Variants in PAICS observed in about 807,000 individuals in gnomAD.
PAICS encodes phosphoribosylaminoimidazole carboxylase and phosphoribosylaminoimidazolesuccinocarboxamide synthase.
PAICS carries 33 observed loss-of-function variants against 53.7 expected under a neutral mutation model. That is an observed-to-expected ratio of 0.61 (90% confidence interval 0.47 to 0.82). PAICS has a LOEUF of 0.82. Among genes scored for constraint, PAICS ranks in the 40% least tolerant of loss-of-function variants. PAICS has a pLI of 0.00. For missense variants in PAICS, 394 were observed against 494.1 expected (o/e 0.80, Z 1.92); for synonymous variants, 141 against 167.2 (o/e 0.84, Z 1.21).
At chr4:56,444,487 C>T (rs1316679126) in intron 2 of PAICS, among the ~76,000 whole-genome samples, 3 of 151,998 alleles carry the variant, frequency 2.0e-5, no homozygotes, top group Admixed American at 6.6e-5. Flanking sequence ...GGGATGGCCA[C>T]GGGGACATAT....
chr4:56,410,646 C>T, the PAICS span: 1 of 986,622 alleles, frequency 1.0e-6, no homozygotes, highest in Non-Finnish European at 1.2e-6. Context: ...ATTTACATTG[C>T]TAAAAGGCTG....
intron 1 of PAICS, among the ~76,000 whole-genome samples, chr4:56,440,244 TAGAC>T (rs980988020): frequency 6.6e-6 from 1 of 152,128 alleles, no homozygotes; most frequent in African/African-American, 2.4e-5. Context: ...AGATAGGAAA[TAGAC>T]AAATAAGAGT....
At chr4:56,446,931 T>C (rs1361028632) in intron 3 of PAICS, 58 bp downstream of exon 3, 5 of 1,052,810 alleles carry the variant, frequency 4.7e-6, no homozygotes, top group Admixed American at 3.0e-5. Context: ...AAATTTATAA[T>C]TAGAAACTCT....
intron 8 of PAICS, among the ~76,000 whole-genome samples, chr4:56,456,044 T>G (rs1719178621): frequency 6.6e-6 from 1 of 152,224 alleles, no homozygotes; most frequent in African/African-American, 2.4e-5. Context: ...CTTGTTGGTA[T>G]ACTTTCTGGA....
chr4:56,426,184 C>T, the PAICS span, among the ~76,000 whole-genome samples: 1 of 152,116 alleles, frequency 6.6e-6, no homozygotes, highest in Non-Finnish European at 1.5e-5. Flanking sequence ...AGGCAGAACA[C>T]GAGGTCAAGA....
At chr4:56,422,187 T>A in the PAICS span, 19 of 152,290 alleles carry the variant, frequency 1.2e-4, no homozygotes, top group African/African-American at 4.6e-4. Context: ...GGAATGAGAA[T>A]CCTTGGAACC....
intron 2 of PAICS, among the ~76,000 whole-genome samples, chr4:56,444,096 T>G (rs1718469237): frequency 6.6e-6 from 1 of 152,110 alleles, no homozygotes; most frequent in East Asian, 1.9e-4. Flanking sequence ...CCATCAGTGG[T>G]CTATTTAAAA....
chr4:56,457,715 G>C (rs1434925128), intron 8 of PAICS, among the ~76,000 whole-genome samples: 1 of 145,020 alleles, frequency 6.9e-6, no homozygotes, highest in Non-Finnish European at 1.5e-5. Flanking sequence ...GCCCAGGCTA[G>C]AATGCAATGG....
upstream of PAICS, among the ~76,000 whole-genome samples, chr4:56,434,035 CATA>C (rs1717759511): frequency 6.6e-6 from 1 of 152,166 alleles, no homozygotes; most frequent in African/African-American, 2.4e-5. Flanking sequence ...ACAACTACCA[CATA>C]ATCAAGAGTT....
At chr4:56,446,925 T>G (rs1718651112) in intron 3 of PAICS, 52 bp downstream of exon 3, 1 of 1,106,988 alleles carries the variant, frequency 9.0e-7, no homozygotes, top group Non-Finnish European at 1.3e-6. Flanking sequence ...GGCAATAAAT[T>G]TATAATTAGA....
rs1719604639 is a variant in PAICS at position 56,464,171 on chromosome 4, A to T, written c.*4633A>T. 6.6e-6 allele frequency: 1 copy of T among 152,176 alleles called. No homozygotes were observed. Among genetic ancestry groups the T allele is most frequent in the African/African-American group, 2.4e-5 (1 of 41,424 alleles). The allele number at this position is 152,176 out of a possible 1,614,324, so 9.4% of individuals were successfully genotyped here. On this transcript the variant is annotated 3_prime_UTR_variant, in exon 9 of 9. Transcript: ENST00000512576. ...GTGGGACTTCACCTCCATTTTGCAG[A>T]GCCAATTTCTCATAATCTGTACATA... is the stretch of plus-strand genomic sequence containing the variant.
At chr4:56,425,804 C>T in the PAICS span, among the ~76,000 whole-genome samples, 4,057 of 152,244 alleles carry the variant, frequency 0.027, 199 homozygotes, top group African/African-American at 0.092. Context: ...TTCCATCTTG[C>T]AGCCAATGAC....
At chr4:56,437,424 TTCCACACACCCAGTTGCTA>T (rs1188250602) in intron 1 of PAICS, among the ~76,000 whole-genome samples, 4 of 152,142 alleles carry the variant, frequency 2.6e-5, no homozygotes, top group Admixed American at 6.5e-5. Flanking sequence ...TGCTGGTTTT[TTCCACACACCCAGTTGCTA>T]TATGTATAGT....
rs776172497 is a variant in PAICS at position 56,441,783 on chromosome 4, G to GA, written c.143dup (p.Asn48LysfsTer12). 2 of 1,603,516 alleles carry GA rather than the reference G, an allele frequency of 1.2e-6. No individual in the cohort carries two copies. The highest frequency in any genetic ancestry group is 8.5e-7 in the Non-Finnish European group (1 of 1,174,572). The stretch of plus-strand genomic sequence containing the variant: ...CAGATTACAGCAGGAAATGCAGCTA[G>GA]AAAAAACCACCTGGAAGGAAAAGCT... On this transcript the variant is annotated frameshift_variant, in exon 2 of 9. Transcript: ENST00000512576. LOFTEE classifies it high-confidence loss of function.
chr4:56,459,571 A>T lies in PAICS; in HGVS notation c.*33A>T. ...TGCCATTGAATTTTTTAGGGGAAAAACTACAAATTTCTAATTTAGCTGAAG... is the reference window on the plus strand; with the variant it reads ...TGCCATTGAATTTTTTAGGGGAAAATCTACAAATTTCTAATTTAGCTGAAG... On this transcript the variant is annotated 3_prime_UTR_variant, in exon 9 of 9. Transcript: ENST00000512576. 1 of 1,461,510 alleles carries T rather than the reference A, an allele frequency of 6.8e-7. No individual in the cohort carries two copies. Among genetic ancestry groups the T allele is most frequent in the Non-Finnish European group, 9.3e-7 (1 of 1,075,992 alleles). 90.5% of individuals were successfully genotyped at this position (1,461,510 alleles called of 1,614,324 possible).
the PAICS span, chr4:56,429,040 A>T: frequency 1.7e-5 from 11 of 644,606 alleles, no homozygotes; most frequent in Non-Finnish European, 2.1e-5. Context: ...TCTTCCACAC[A>T]GTGGAAACAA....
intron 1 of PAICS, among the ~76,000 whole-genome samples, chr4:56,438,405 A>AATATATATATATATATATATAT (rs1560656475): frequency 7.4e-6 from 1 of 135,970 alleles, no homozygotes; most frequent in Non-Finnish European, 1.6e-5. Context: ...ATATATATAA[A>AATATATATATATATATATATAT]AGGTTTTTTT....
chr4:56,457,671 T>TG (rs1719287750), intron 8 of PAICS, among the ~76,000 whole-genome samples: 2 of 151,108 alleles, frequency 1.3e-5, no homozygotes, highest in African/African-American at 4.9e-5. Context: ...AGTTTTTTTT[T>TG]TTTTTTTTTT....
chr4:56,452,134 A>G (rs1238234067), intron 7 of PAICS, 82 bp downstream of exon 7: 11 of 887,434 alleles, frequency 1.2e-5, no homozygotes. Flanking sequence ...ATAATGCTGA[A>G]AAAAGAGCTT....
Sources: allele counts gnomAD v4.1 joint callset (sites outside exome capture counted in the v4.1 genomes callset), GRCh38; gene constraint gnomAD v4.1.1; transcripts MANE v1.5; gene names NCBI Gene and HGNC (gene_info 2026-07-23, HGNC 2026-07-21).